Variants in NRXN1 observed in about 807,000 individuals in gnomAD.
NRXN1 encodes the protein neurexin-1.
A neutral mutation model predicts 150.9 loss-of-function variants in NRXN1; 39 were observed. The observed-to-expected ratio is 0.26, with a 90% CI of 0.20 to 0.34. The LOEUF is 0.34. Ranked by LOEUF, NRXN1 falls within the 10% of genes least tolerant of loss-of-function variation. NRXN1 has a pLI of 1.00. For missense variants in NRXN1, 1,815 were observed against 1,949.9 expected (o/e 0.93, Z 1.30); for synonymous variants, 924 against 757.0 (o/e 1.22, Z -3.62).
chr2:50,342,415 C>G (rs1323290905), intron 17 of NRXN1, among the ~76,000 whole-genome samples: 1 of 152,202 alleles, frequency 6.6e-6, no homozygotes, highest in Non-Finnish European at 1.5e-5. Flanking sequence ...CATTCTGGGT[C>G]ACACATATGA....
chr2:49,958,310 T>C (rs1675338428), intron 21 of NRXN1, among the ~76,000 whole-genome samples: 1 of 152,184 alleles, frequency 6.6e-6, no homozygotes, highest in Non-Finnish European at 1.5e-5. Context: ...CAGACATTTT[T>C]GGGTCATTTA....
In NRXN1 at chr2:50,306,686, C is replaced by T. The variant is rs185514325; in HGVS notation, c.3365-69716G>A. 2.3e-3 allele frequency among the ~76,000 whole-genome samples: 345 copies of T among 152,178 alleles called. 2 individuals carry two copies. The highest frequency in any genetic ancestry group is 7.8e-3 in the African/African-American group (325 of 41,526). ...TAGCTCAGATTCACATTTGATGCAC[C>T]CTTGTGCCCCTCCTCCTACACTTCA... On this transcript the variant is annotated intron_variant, in intron 17 of 22. Coordinates refer to ENST00000401669, the MANE Select transcript of NRXN1 (RefSeq NM_001330078.2).
intron 5 of NRXN1, among the ~76,000 whole-genome samples, chr2:50,861,105 C>T (rs1394411275): frequency 6.6e-6 from 1 of 151,942 alleles, no homozygotes; most frequent in African/African-American, 2.4e-5. Flanking sequence ...GTAGAACATG[C>T]CAAGTTAGAT....
At chr2:50,650,026 A>G (rs1432781064) in intron 5 of NRXN1, among the ~76,000 whole-genome samples, 1 of 151,908 alleles carries the variant, frequency 6.6e-6, no homozygotes, top group Admixed American at 6.6e-5. Flanking sequence ...CTGTCTCCCT[A>G]TTTTACCAAT....
intron 5 of NRXN1, among the ~76,000 whole-genome samples, chr2:50,781,938 C>A (rs1255389823): frequency 1.3e-5 from 2 of 152,160 alleles, no homozygotes; most frequent in Non-Finnish European, 1.5e-5. Context: ...GCTTTTGTCA[C>A]TGCATGATAC....
At chr2:50,719,345 T>C (rs1696308601) in intron 5 of NRXN1, among the ~76,000 whole-genome samples, 1 of 151,992 alleles carries the variant, frequency 6.6e-6, no homozygotes, top group African/African-American at 2.4e-5. Context: ...AAAACAAGTA[T>C]TTCTATTTCA....
intron 17 of NRXN1, among the ~76,000 whole-genome samples, chr2:50,383,148 C>G (rs1422661800): frequency 6.6e-6 from 1 of 152,100 alleles, no homozygotes; most frequent in Non-Finnish European, 1.5e-5. Context: ...TTTCCTAAAA[C>G]TTTGAATCCC....
At chr2:50,684,155 A>T (rs1298146300) in intron 5 of NRXN1, among the ~76,000 whole-genome samples, 1 of 152,174 alleles carries the variant, frequency 6.6e-6, no homozygotes, top group Non-Finnish European at 1.5e-5. Context: ...ATTATTTATA[A>T]TTGTAATTTC....
intron 17 of NRXN1, among the ~76,000 whole-genome samples, chr2:50,352,384 C>T (rs1445899483): frequency 6.6e-6 from 1 of 152,038 alleles, no homozygotes; most frequent in Non-Finnish European, 1.5e-5. Context: ...TCATATTTTC[C>T]TTAAGCTTAA....
intron 21 of NRXN1, among the ~76,000 whole-genome samples, chr2:50,029,437 G>C (rs774876024): frequency 2.0e-5 from 3 of 152,112 alleles, no homozygotes; most frequent in Non-Finnish European, 4.4e-5. Flanking sequence ...TTTGAAGATA[G>C]CATCTTTAGG....
intron 2 of NRXN1, among the ~76,000 whole-genome samples, chr2:51,021,103 A>G (rs1245493665): frequency 6.6e-6 from 1 of 152,040 alleles, no homozygotes; most frequent in African/African-American, 2.4e-5. Flanking sequence ...AGAGAAGTAC[A>G]CAACAAAAAA....
chr2:50,105,832 A>T (rs1433154714), intron 18 of NRXN1, among the ~76,000 whole-genome samples: 1 of 152,000 alleles, frequency 6.6e-6, no homozygotes, highest in Non-Finnish European at 1.5e-5. Context: ...CAAAAAAGCC[A>T]CTGCATGGTA....
At chr2:50,724,112 A>G (rs892997661) in intron 5 of NRXN1, among the ~76,000 whole-genome samples, 1 of 152,172 alleles carries the variant, frequency 6.6e-6, no homozygotes, top group Non-Finnish European at 1.5e-5. Flanking sequence ...GTGCTTAATC[A>G]TAAGATCCTC....
At chr2:50,862,202 CAA>C (rs370954338) in intron 5 of NRXN1, among the ~76,000 whole-genome samples, 31 of 76,284 alleles carry the variant, frequency 4.1e-4, no homozygotes, top group African/African-American at 7.6e-4. Flanking sequence ...GATTCCATCT[CAA>C]AAAAAAAAAA....
At chr2:50,534,589 A>T (rs1327362648) in intron 10 of NRXN1, among the ~76,000 whole-genome samples, 2 of 152,168 alleles carry the variant, frequency 1.3e-5, no homozygotes, top group Non-Finnish European at 2.9e-5. Flanking sequence ...AAGAAATTTG[A>T]TCTTTACTTT....
chr2:49,923,678 A>G (rs1289916210), intron 22 of NRXN1, among the ~76,000 whole-genome samples: 1 of 152,134 alleles, frequency 6.6e-6, no homozygotes, highest in African/African-American at 2.4e-5. Context: ...ACTGCTTTGT[A>G]ATTCCATTTT....
intron 5 of NRXN1, among the ~76,000 whole-genome samples, chr2:50,810,169 A>C (rs1473625547): frequency 6.6e-6 from 1 of 152,186 alleles, no homozygotes; most frequent in Non-Finnish European, 1.5e-5. Context: ...GCTTGAGTAC[A>C]AAGAACATGA....
intron 8 of NRXN1, among the ~76,000 whole-genome samples, chr2:50,571,900 C>T (rs764733469): frequency 6.6e-6 from 1 of 152,092 alleles, no homozygotes; most frequent in Non-Finnish European, 1.5e-5. Context: ...CAGATAAAAC[C>T]AGAGTCAGAA....
intron 5 of NRXN1, chr2:50,656,414 T>G: frequency 1.3e-6 from 1 of 775,414 alleles, no homozygotes; most frequent in South Asian, 1.4e-5. Context: ...AAGTCACAAA[T>G]AGGAGTTTAT....
Sources: allele counts gnomAD v4.1 joint callset (sites outside exome capture counted in the v4.1 genomes callset), GRCh38; gene constraint gnomAD v4.1.1; transcripts MANE v1.5; gene names NCBI Gene and HGNC (gene_info 2026-07-23, HGNC 2026-07-21).